The following UBE2V2 variants were observed in gnomAD, a reference collection of about 807,000 sequenced individuals.
UBE2V2 encodes ubiquitin conjugating enzyme E2 V2, also known as ubiquitin-conjugating enzyme E2 variant 2.
Under a neutral mutation model 17.2 loss-of-function variants are expected in UBE2V2, and 9 were observed. The ratio of observed to expected loss-of-function variants is 0.52; its 90% CI spans 0.32 to 0.91. The LOEUF (loss-of-function observed/expected upper bound fraction) is 0.91, where lower values mean the gene tolerates loss of function less well. Among genes scored for constraint, UBE2V2 ranks in the 40% least tolerant of loss-of-function variants. The pLI is 0.04. For missense variants in UBE2V2, 133 were observed against 182.6 expected (o/e 0.73, Z 1.56); for synonymous variants, 61 against 57.5 (o/e 1.06, Z -0.28).
At chr8:47,998,984 G>A in the UBE2V2 span, among the ~76,000 whole-genome samples, 24 of 152,266 alleles carry the variant, frequency 1.6e-4, 1 homozygote, top group Admixed American at 5.2e-4. Context: ...ACCTTGTGAC[G>A]TTTATTACAG....
At chr8:48,019,037 C>T (rs1232970360) in intron 1 of UBE2V2, among the ~76,000 whole-genome samples, 1 of 151,678 alleles carries the variant, frequency 6.6e-6, no homozygotes, top group Non-Finnish European at 1.5e-5. Context: ...TCAAGACCAA[C>T]CTGGCCAACA....
chr8:48,019,776 C>T (rs1388341579), intron 1 of UBE2V2, among the ~76,000 whole-genome samples: 1 of 151,872 alleles, frequency 6.6e-6, no homozygotes, highest in Non-Finnish European at 1.5e-5. Flanking sequence ...GATTGCGCCA[C>T]TGCACTTCAG....
rs2091201447 is a variant in UBE2V2, at chr8:48,008,458, G to T, written c.4G>T (p.Ala2Ser). The T allele has an allele frequency of 6.4e-7, 1 of 1,568,266 alleles. No individual in the cohort carries two copies. The highest frequency in any genetic ancestry group is 1.1e-5 in the South Asian group (1 of 87,102). The stretch of plus-strand genomic sequence containing the variant: ...CTGCGTCGGGCTGCAGGAGAAGATG[G>T]CGGTCTCCACAGGTCGGTTCCCGGG... M[A>S]VSTGVKVPRN... Residue 2 changes from alanine (A) to serine (S), a missense_variant, in exon 1 of 4, where the codon GCG becomes TCG. Transcript: ENST00000523111.
At chr8:48,054,800 C>T (rs2091561102) in intron 3 of UBE2V2, among the ~76,000 whole-genome samples, 1 of 152,156 alleles carries the variant, frequency 6.6e-6, no homozygotes, top group African/African-American at 2.4e-5. Context: ...AGTGAGATCT[C>T]ACATTTTGGA....
intron 2 of UBE2V2, among the ~76,000 whole-genome samples, chr8:48,048,021 A>G (rs1467693416): frequency 6.6e-6 from 1 of 150,416 alleles, no homozygotes; most frequent in African/African-American, 2.4e-5. Context: ...TTTTAAACAA[A>G]AGGAATTGAG....
In UBE2V2 at chr8:48,027,450, C is replaced by T. The variant is rs180971418; in HGVS notation, c.17-15583C>T. On this transcript the variant is annotated intron_variant, in intron 1 of 3. Coordinates refer to ENST00000523111, the MANE Select transcript of UBE2V2 (RefSeq NM_003350.3). ...CATTGTGGTTTTGATTTGCATTTCCCTGATAACTAGTGTTATTGAGTATCT... is the reference window on the plus strand; with the variant it reads ...CATTGTGGTTTTGATTTGCATTTCCTTGATAACTAGTGTTATTGAGTATCT... Among the ~76,000 whole-genome samples, 15 of 152,254 alleles carry T rather than the reference C, an allele frequency of 9.9e-5. No individual in the cohort carries two copies. The East Asian group carries it at 2.7e-3, about 27-fold the overall frequency.
At chr8:48,022,004 C>T (rs2091308957) in intron 1 of UBE2V2, among the ~76,000 whole-genome samples, 1 of 151,890 alleles carries the variant, frequency 6.6e-6, no homozygotes. Context: ...TTGTGGTTAC[C>T]ATGAGGCTTA....
At chr8:48,032,710 G>A (rs1176432045) in intron 1 of UBE2V2, among the ~76,000 whole-genome samples, 6 of 152,098 alleles carry the variant, frequency 3.9e-5, no homozygotes, top group Admixed American at 6.6e-5. Context: ...GAGCCATGGC[G>A]ACAGAGTCCC....
chr8:48,001,419 G>T, the UBE2V2 span, among the ~76,000 whole-genome samples: 26 of 152,076 alleles, frequency 1.7e-4, no homozygotes, highest in African/African-American at 6.0e-4. Flanking sequence ...GGGCAACATG[G>T]TGAAACCTGT....
intron 1 of UBE2V2, among the ~76,000 whole-genome samples, chr8:48,019,895 C>G (rs1460522458): frequency 1.3e-5 from 2 of 152,056 alleles, no homozygotes; most frequent in Non-Finnish European, 2.9e-5. Context: ...TGCTTGAACT[C>G]AGGAGGTGGA....
intron 3 of UBE2V2, among the ~76,000 whole-genome samples, chr8:48,057,017 C>T (rs540735269): frequency 1.2e-4 from 19 of 152,192 alleles, no homozygotes; most frequent in Non-Finnish European, 2.2e-4. Context: ...TGAGCCACCA[C>T]GCCTGGCCTG....
intron 3 of UBE2V2, among the ~76,000 whole-genome samples, chr8:48,055,286 G>A (rs1350551116): frequency 2.7e-5 from 4 of 148,036 alleles, no homozygotes; most frequent in African/African-American, 7.5e-5. Flanking sequence ...TGCAACCTCC[G>A]CCTCCTGGGT....
chr8:48,021,790 C>G lies in UBE2V2; in HGVS notation c.16+13320C>G, dbSNP rs548575398. On this transcript the variant is annotated intron_variant, in intron 1 of 3. Coordinates refer to ENST00000523111, the MANE Select transcript of UBE2V2 (RefSeq NM_003350.3). Reference sequence around the variant, plus strand: ...GCAACCTCTGCCTCCTGGGTTCGAGCAATTCTCCTGCCTCAGCCTCCTGAG... The same window carrying G: ...GCAACCTCTGCCTCCTGGGTTCGAGGAATTCTCCTGCCTCAGCCTCCTGAG... 3.5e-3 allele frequency among the ~76,000 whole-genome samples: 535 copies of G among 151,110 alleles called. 1 individual carries two copies. Among genetic ancestry groups the G allele is most frequent in the South Asian group, 7.5e-3 (36 of 4,774 alleles).
chr8:48,045,955 T>C (rs2091495784), intron 2 of UBE2V2, among the ~76,000 whole-genome samples: 1 of 152,228 alleles, frequency 6.6e-6, no homozygotes, highest in African/African-American at 2.4e-5. Flanking sequence ...TTTTTGTTTG[T>C]TTGTTTTTGA....
chr8:48,057,275 A>G (rs564251199), intron 3 of UBE2V2, among the ~76,000 whole-genome samples: 3 of 152,262 alleles, frequency 2.0e-5, no homozygotes, highest in African/African-American at 7.2e-5. Flanking sequence ...TCTATCAACT[A>G]TATTTTACAG....
Position 48,031,758 on chromosome 8 carries a change from C to T in UBE2V2, c.17-11275C>T, listed in dbSNP as rs1167164368. Among the ~76,000 whole-genome samples the T allele has an allele frequency of 3.9e-5, 6 of 152,004 alleles. No individual in the cohort carries two copies. The South Asian group carries it at 8.3e-4, about 21-fold the overall frequency. The stretch of plus-strand genomic sequence containing the variant: ...GCAACCTCCGCCTCCCAAATTCAAG[C>T]GATTCTCCTGCCTCAGCCTCCCGAG... On this transcript the variant is annotated intron_variant, in intron 1 of 3. Transcript: ENST00000523111.
chr8:48,060,899 C>T lies in UBE2V2; in HGVS notation c.*71C>T. Reference sequence around the variant, plus strand: ...ATGTTAATGTCTTGATTAAATATCACAATGCAAAATACACATTAAGTAAAA... The same window carrying T: ...ATGTTAATGTCTTGATTAAATATCATAATGCAAAATACACATTAAGTAAAA... On this transcript the variant is annotated 3_prime_UTR_variant, in exon 4 of 4. Transcript: ENST00000523111. The T allele has an allele frequency of 7.6e-7, 1 of 1,317,942 alleles. No individual in the cohort carries two copies. Among genetic ancestry groups the T allele is most frequent in the Non-Finnish European group, 9.9e-7 (1 of 1,011,924 alleles). 81.6% of individuals were successfully genotyped at this position (1,317,942 alleles called of 1,614,324 possible).
At chr8:48,049,775 C>CTTT in intron 2 of UBE2V2, 78 bp from the exon 3 acceptor site, 10 of 1,092,838 alleles carry the variant, frequency 9.2e-6, no homozygotes, top group South Asian at 4.8e-5. Context: ...TGTACTTTCC[C>CTTT]TTTTTTTTTT....
chr8:48,046,625 A>G (rs1371167968), intron 2 of UBE2V2, among the ~76,000 whole-genome samples: 1 of 152,108 alleles, frequency 6.6e-6, no homozygotes, highest in East Asian at 1.9e-4. Context: ...ATTTTGAGAT[A>G]GTCTCACTCT....
Sources: allele counts gnomAD v4.1 joint callset (sites outside exome capture counted in the v4.1 genomes callset), GRCh38; gene constraint gnomAD v4.1.1; transcripts MANE v1.5; gene names NCBI Gene and HGNC (gene_info 2026-07-23, HGNC 2026-07-21).